The following RFX3 variants were observed in gnomAD, a reference collection of about 807,000 sequenced individuals.
RFX3 encodes regulatory factor X3.
A neutral mutation model predicts 98.6 loss-of-function variants in RFX3; 14 were observed. The observed-to-expected ratio is 0.14, with a 90% CI of 0.09 to 0.22. The LOEUF (loss-of-function observed/expected upper bound fraction) is 0.22. Ranked by LOEUF, RFX3 falls within the 10% of genes least tolerant of loss-of-function variation. RFX3 has a pLI of 1.00. For missense variants in RFX3, 639 were observed against 926.9 expected (o/e 0.69, Z 4.03); for synonymous variants, 383 against 328.4 (o/e 1.17, Z -1.80).
chr9:3,378,659 C>T (rs1025489695), intron 2 of RFX3, among the ~76,000 whole-genome samples: 3 of 149,652 alleles, frequency 2.0e-5, no homozygotes, highest in Non-Finnish European at 4.4e-5. Flanking sequence ...CGGGTTCAAG[C>T]GATTCTCCTG....
At chr9:3,423,250 A>G (rs1029188726) in intron 1 of RFX3, among the ~76,000 whole-genome samples, 2 of 152,188 alleles carry the variant, frequency 1.3e-5, no homozygotes, top group Non-Finnish European at 2.9e-5. Flanking sequence ...CTGAAGTCAA[A>G]CATATAGTAA....
chr9:3,434,682 C>T (rs1844959451), intron 1 of RFX3, among the ~76,000 whole-genome samples: 1 of 152,090 alleles, frequency 6.6e-6, no homozygotes, highest in Non-Finnish European at 1.5e-5. Context: ...TCCTTACCTT[C>T]TCCCCACCCT....
At chr9:3,520,846 C>T (rs551781723) in intron 1 of RFX3, among the ~76,000 whole-genome samples, 5 of 152,092 alleles carry the variant, frequency 3.3e-5, no homozygotes, top group African/African-American at 1.2e-4. Context: ...GGCTAATTTT[C>T]TTTTACTTTT....
chr9:3,359,947 G>A (rs942686065), intron 2 of RFX3, among the ~76,000 whole-genome samples: 1 of 152,014 alleles, frequency 6.6e-6, no homozygotes, highest in African/African-American at 2.4e-5. Context: ...TATTTACTAA[G>A]TTATCTATTA....
At chr9:3,438,399 C>G (rs1845340069) in intron 1 of RFX3, among the ~76,000 whole-genome samples, 1 of 151,502 alleles carries the variant, frequency 6.6e-6, no homozygotes, top group South Asian at 2.1e-4. Flanking sequence ...AAGAGGACAA[C>G]AGAGATGCTT....
chr9:3,269,624 T>C (rs1824112424), intron 11 of RFX3, among the ~76,000 whole-genome samples: 1 of 152,158 alleles, frequency 6.6e-6, no homozygotes, highest in African/African-American at 2.4e-5. Context: ...AATAGCTTTG[T>C]TTGCTACAAA....
intron 2 of RFX3, among the ~76,000 whole-genome samples, chr9:3,367,034 G>C (rs1473737005): frequency 6.6e-6 from 1 of 152,022 alleles, no homozygotes; most frequent in East Asian, 1.9e-4. Flanking sequence ...GGTAGGGTAA[G>C]GAGAATTCTA....
At chr9:3,448,795 C>T (rs1015086941) in intron 1 of RFX3, among the ~76,000 whole-genome samples, 6 of 152,192 alleles carry the variant, frequency 3.9e-5, no homozygotes, top group Admixed American at 3.9e-4. Flanking sequence ...ACTGGGTTTG[C>T]AAGTGTGAGC....
intron 1 of RFX3, among the ~76,000 whole-genome samples, chr9:3,451,995 T>C (rs982981295): frequency 3.3e-5 from 5 of 152,150 alleles, no homozygotes; most frequent in Non-Finnish European, 7.3e-5. Context: ...TGAAGTAGAA[T>C]TGGAAAAATG....
chr9:3,411,883 ATACTC>A (rs1842495765), intron 1 of RFX3, among the ~76,000 whole-genome samples: 1 of 152,016 alleles, frequency 6.6e-6, no homozygotes, highest in Non-Finnish European at 1.5e-5. Context: ...CCCCTCCAAA[ATACTC>A]TACATATATA....
At chr9:3,339,287 C>T (rs1051819681) in intron 3 of RFX3, among the ~76,000 whole-genome samples, 1 of 152,000 alleles carries the variant, frequency 6.6e-6, no homozygotes, top group Admixed American at 6.5e-5. Flanking sequence ...CTTGCCCTGA[C>T]AACAGAGGTC....
At chr9:3,345,880 G>C (rs985987092) in intron 3 of RFX3, among the ~76,000 whole-genome samples, 6 of 152,290 alleles carry the variant, frequency 3.9e-5, no homozygotes, top group Middle Eastern at 3.4e-3. Flanking sequence ...AAGAGTAGAT[G>C]TAGTAAGAAT....
At chr9:3,442,771 T>G (rs1464580561) in intron 1 of RFX3, among the ~76,000 whole-genome samples, 2 of 152,192 alleles carry the variant, frequency 1.3e-5, no homozygotes, top group African/African-American at 4.8e-5. Flanking sequence ...TAGACCTAAG[T>G]GTAAAACATA....
At chr9:3,423,439 T>G (rs1843628395) in intron 1 of RFX3, among the ~76,000 whole-genome samples, 1 of 152,186 alleles carries the variant, frequency 6.6e-6, no homozygotes, top group Non-Finnish European at 1.5e-5. Context: ...GAAATACTAC[T>G]CTGGAATAAA....
At chr9:3,396,366 T>A (rs1049149220) in intron 1 of RFX3, among the ~76,000 whole-genome samples, 3 of 152,072 alleles carry the variant, frequency 2.0e-5, no homozygotes, top group Non-Finnish European at 4.4e-5. Flanking sequence ...CAAAGGACAT[T>A]AACTCATCAT....
At chr9:3,270,855 C>T (rs1824337583) in intron 10 of RFX3, 148 bp downstream of exon 10, 1 of 1,108,282 alleles carries the variant, frequency 9.0e-7, no homozygotes, top group Non-Finnish European at 1.3e-6. Flanking sequence ...GAGAGCAGTT[C>T]ATGGTTTATT....
At chr9:3,264,383 A>T (rs115332334) in intron 12 of RFX3, among the ~76,000 whole-genome samples, 120 of 152,292 alleles carry the variant, frequency 7.9e-4, no homozygotes, top group African/African-American at 2.8e-3. Flanking sequence ...CAGTTGAATG[A>T]TCAATTGGGA....
intron 15 of RFX3, among the ~76,000 whole-genome samples, chr9:3,241,719 G>C (rs191315588): frequency 6.6e-6 from 1 of 152,296 alleles, no homozygotes; most frequent in African/African-American, 2.4e-5. Flanking sequence ...AAAAATGTTT[G>C]ATTTAGGTCT....
chr9:3,297,309 C>T (rs1304247338), intron 5 of RFX3, among the ~76,000 whole-genome samples: 1 of 152,048 alleles, frequency 6.6e-6, no homozygotes, highest in East Asian at 1.9e-4. Flanking sequence ...TTTCAAAAGC[C>T]CATAAAATAA....
Sources: allele counts gnomAD v4.1 joint callset (sites outside exome capture counted in the v4.1 genomes callset), GRCh38; gene constraint gnomAD v4.1.1; transcripts MANE v1.5; gene names NCBI Gene and HGNC (gene_info 2026-07-23, HGNC 2026-07-21).